The following ICAM2 variants were observed in gnomAD, a reference collection of about 807,000 sequenced individuals.
The protein encoded by ICAM2 is intercellular adhesion molecule 2.
ICAM2 carries 14 observed loss-of-function variants against 19.1 expected under a neutral mutation model. That is an observed-to-expected ratio of 0.73 (90% confidence interval 0.48 to 1.15). The LOEUF is 1.15. Ranked by LOEUF, ICAM2 falls within the 50% of genes most tolerant of loss-of-function variation. ICAM2 has a pLI of 0.00. For synonymous variants in ICAM2, 153 were observed against 152.7 expected, an observed-to-expected ratio of 1.00 and a Z score of -0.01; for missense variants, 311 against 355.4, an observed-to-expected ratio of 0.88 and a Z score of 1.00.
chr17:64,003,427 G>A (rs549232919), intron 4 of ICAM2: 59 of 578,730 alleles, frequency 1.0e-4, no homozygotes, highest in East Asian at 3.8e-4. Context: ...GATGGTGGCC[G>A]AGGAACTAGT....
intron 1 of ICAM2, among the ~76,000 whole-genome samples, chr17:64,009,313 T>G (rs1399010646): frequency 6.6e-6 from 1 of 152,034 alleles, no homozygotes; most frequent in African/African-American, 2.4e-5. Context: ...GTTTTTTTTT[T>G]TTTTGTCCAG....
chr17:64,004,220 A>G, intron 3 of ICAM2: 1 of 488,178 alleles, frequency 2.0e-6, no homozygotes, highest in Non-Finnish European at 3.6e-6. Flanking sequence ...AGCCAACTGG[A>G]AAGATATAAA....
chr17:64,002,822 G>T lies in ICAM2; in HGVS notation c.753C>A (p.His251Gln). 1.2e-6 allele frequency: 2 copies of T among 1,613,964 alleles called. No individual in the cohort carries two copies. The highest frequency in any genetic ancestry group is 1.7e-6 in the Non-Finnish European group (2 of 1,180,002). ...SVLLCFIFGQ[H>Q]LRQQRMGTYG... is the part of the protein sequence containing the mutation. ...AGGTGCCCATCCGCTGCTGGCGCAA[G>T]TGCTGGCCGAAGATGAAGCAGAGCA... is the stretch of plus-strand genomic sequence containing the variant. The change falls in exon 5 of 5, where the codon CAC becomes CAA. Residue 251 changes from histidine (H) to glutamine (Q), a missense_variant. Transcript: ENST00000579788.
chr17:64,014,517 G>GAGAA (rs200088207), intron 1 of ICAM2, among the ~76,000 whole-genome samples: 1 of 133,728 alleles, frequency 7.5e-6, no homozygotes, highest in Admixed American at 8.1e-5. Flanking sequence ...GGGAGAGAGA[G>GAGAA]AGAAAGAAAG....
At chr17:64,005,446 G>C in intron 2 of ICAM2, 73 bp from the exon 3 acceptor site, 2 of 1,520,584 alleles carry the variant, frequency 1.3e-6, no homozygotes, top group Non-Finnish European at 1.8e-6. Context: ...TGTCCATTGA[G>C]GCAGTCTGGC....
intron 1 of ICAM2, among the ~76,000 whole-genome samples, chr17:64,007,344 C>A (rs1450729709): frequency 6.6e-6 from 1 of 151,992 alleles, no homozygotes; most frequent in Non-Finnish European, 1.5e-5. Context: ...TTCACTGCAA[C>A]CTCTGCCTCC....
chr17:64,008,122 C>T (rs1911295319), intron 1 of ICAM2, among the ~76,000 whole-genome samples: 1 of 152,222 alleles, frequency 6.6e-6, no homozygotes, highest in Admixed American at 6.5e-5. Flanking sequence ...CTACTGTACA[C>T]AACCATCAAG....
In ICAM2 at chr17:64,003,715, A is replaced by C. The variant is rs776684092; in HGVS notation, c.578T>G (p.Val193Gly). The stretch of plus-strand genomic sequence containing the variant: ...GCCACCGCGAGACATCAAGTCCAGC[A>C]CAGCCAGGCAGGAGAAGTTGCGGTG... Reference protein sequence around the residue: ...DGHRNFSCLAVLDLMSRGGNI... With the variant: ...DGHRNFSCLAGLDLMSRGGNI... Residue 193 changes from valine (V) to glycine (G), a missense_variant, in exon 4 of 5, where the codon GTG (valine) becomes GGG (glycine). Transcript: ENST00000579788. 3.1e-6 allele frequency: 5 copies of C among 1,614,102 alleles called. No individual in the cohort carries two copies. In the East Asian group the frequency reaches 8.9e-5, roughly 29 times the overall value.
In ICAM2 at chr17:64,014,424, G is replaced by A. The variant is rs1167365301; in HGVS notation, c.-45+6099C>T. Among the ~76,000 whole-genome samples the A allele has an allele frequency of 6.6e-4, 42 of 63,486 alleles. 1 individual carries two copies. In the East Asian group the frequency reaches 0.021, roughly 32 times the overall value. 41.6% of individuals were successfully genotyped at this position (63,486 alleles called of 152,430 possible). On this transcript the variant is annotated intron_variant, in intron 1 of 4. Transcript: ENST00000579788. Reference sequence around the variant, plus strand: ...GGAAGGAAGAGAAAGAGAAAGAAAGGAAGGAAGGAAGGAAGAGAGAGAGAG... The same window carrying A: ...GGAAGGAAGAGAAAGAGAAAGAAAGAAAGGAAGGAAGGAAGAGAGAGAGAG...
At chr17:64,018,572 T>G (rs562555027) in intron 1 of ICAM2, among the ~76,000 whole-genome samples, 1 of 151,924 alleles carries the variant, frequency 6.6e-6, no homozygotes, top group African/African-American at 2.4e-5. Flanking sequence ...TGAGAGTGTA[T>G]ATTGGTGCTC....
chr17:64,011,278 C>T (rs59461160), intron 1 of ICAM2, among the ~76,000 whole-genome samples: 2,311 of 152,168 alleles, frequency 0.015, 61 homozygotes, highest in African/African-American at 0.053. Flanking sequence ...CTGGCTAACA[C>T]GGTGAAACCC....
chr17:64,011,418 C>T (rs778378273), intron 1 of ICAM2, among the ~76,000 whole-genome samples: 8 of 151,920 alleles, frequency 5.3e-5, no homozygotes, highest in East Asian at 1.9e-4. Context: ...GCCGAGATCG[C>T]GCCACTGCAC....
At position 64,002,765 on chromosome 17, in the gene ICAM2, G is replaced by A. The variant is rs1416440052; in HGVS notation, c.810C>T (p.Pro270=). Reference sequence around the variant, plus strand: ...ATGGTTGCTATGGCCGGAAGGCCTGGGGCAGCCTCCTCCAAGCCGCTCGCA... The same window carrying A: ...ATGGTTGCTATGGCCGGAAGGCCTGAGGCAGCCTCCTCCAAGCCGCTCGCA... ...YGVRAAWRRL[P]QAFRP The change falls in exon 5 of 5, where the codon CCC becomes CCT. Residue 270 remains proline (P), a synonymous_variant. Coordinates refer to ENST00000579788, the MANE Select transcript of ICAM2 (RefSeq NM_001099789.2). 6.2e-7 allele frequency: 1 copy of A among 1,612,010 alleles called. No homozygotes were observed. Among genetic ancestry groups the A allele is most frequent in the East Asian group, 2.2e-5 (1 of 44,884 alleles).
chr17:64,007,207 C>T (rs901565739), intron 1 of ICAM2, among the ~76,000 whole-genome samples: 1 of 152,174 alleles, frequency 6.6e-6, no homozygotes, highest in Non-Finnish European at 1.5e-5. Flanking sequence ...CTGCTAAATG[C>T]CTGGTGCAAT....
At chr17:64,009,142 C>A (rs951138276) in intron 1 of ICAM2, among the ~76,000 whole-genome samples, 1 of 152,228 alleles carries the variant, frequency 6.6e-6, no homozygotes, top group African/African-American at 2.4e-5. Context: ...ACTGCTACAT[C>A]CACCCAGTGT....
At chr17:64,010,440 A>G (rs986971167) in intron 1 of ICAM2, among the ~76,000 whole-genome samples, 2 of 152,006 alleles carry the variant, frequency 1.3e-5, no homozygotes, top group Non-Finnish European at 2.9e-5. Context: ...GGGAGATTAG[A>G]GTCTCAGTTT....
intron 1 of ICAM2, among the ~76,000 whole-genome samples, chr17:64,019,397 G>A (rs1362902034): frequency 6.7e-6 from 1 of 148,756 alleles, no homozygotes; most frequent in Non-Finnish European, 1.5e-5. Flanking sequence ...CCCCATCTCA[G>A]TAAATAAATA....
At chr17:64,006,962 C>T (rs550004446) in intron 1 of ICAM2, 15 of 518,332 alleles carry the variant, frequency 2.9e-5, no homozygotes, top group East Asian at 6.6e-5. Flanking sequence ...GTGCAAGGGG[C>T]GGGGCAGGCA....
At chr17:64,009,303 G>GT (rs57585786) in intron 1 of ICAM2, among the ~76,000 whole-genome samples, 1,501 of 140,146 alleles carry the variant, frequency 0.011, 8 homozygotes, top group African/African-American at 0.02. Context: ...AGCATTTACT[G>GT]TTTTTTTTTT....
Sources: allele counts gnomAD v4.1 joint callset (sites outside exome capture counted in the v4.1 genomes callset), GRCh38; gene constraint gnomAD v4.1.1; transcripts MANE v1.5; gene names NCBI Gene and HGNC (gene_info 2026-07-23, HGNC 2026-07-21).